Variants in PTPRN2 observed in about 807,000 individuals in gnomAD.
PTPRN2 encodes protein tyrosine phosphatase receptor type N2, also known as receptor-type tyrosine-protein phosphatase N2.
PTPRN2 carries 74 observed loss-of-function variants against 118.8 expected under a neutral mutation model. The observed-to-expected ratio is 0.62, with a 90% CI of 0.52 to 0.76. The LOEUF (loss-of-function observed/expected upper bound fraction) is 0.76. PTPRN2 is among the 30% of genes least tolerant of loss of function. PTPRN2 has a pLI of 0.00. For synonymous variants in PTPRN2, 641 were observed against 608.0 expected (o/e 1.05, Z -0.80); for missense variants, 1,481 against 1,394.4 (o/e 1.06, Z -0.99).
At chr7:157,579,511 G>T (rs781590195) in intron 17 of PTPRN2, among the ~76,000 whole-genome samples, 32 of 152,322 alleles carry the variant, frequency 2.1e-4, no homozygotes, top group Non-Finnish European at 4.4e-4. Flanking sequence ...GAGAAACACA[G>T]ATTTTATGAG....
chr7:157,789,224 T>C (rs1393300210), intron 12 of PTPRN2, among the ~76,000 whole-genome samples: 2 of 152,162 alleles, frequency 1.3e-5, no homozygotes, highest in Non-Finnish European at 2.9e-5. Context: ...GAAGGACACT[T>C]TGAAAGCAAC....
intron 3 of PTPRN2, among the ~76,000 whole-genome samples, chr7:158,231,462 G>C (rs1191527330): frequency 6.6e-6 from 1 of 152,132 alleles, no homozygotes; most frequent in African/African-American, 2.4e-5. Context: ...ATGGAACACT[G>C]AAGTATATAA....
intron 11 of PTPRN2, among the ~76,000 whole-genome samples, chr7:158,074,502 G>A (rs185811435): frequency 1.3e-5 from 2 of 152,194 alleles, no homozygotes; most frequent in East Asian, 1.9e-4. Flanking sequence ...GCATGAAAAG[G>A]TCTTAGTGGC....
At chr7:158,311,552 G>A (rs1801730518) in intron 3 of PTPRN2, among the ~76,000 whole-genome samples, 1 of 152,336 alleles carries the variant, frequency 6.6e-6, no homozygotes, top group African/African-American at 2.4e-5. Context: ...CACAGTGAAC[G>A]TATTTTGTTC....
At chr7:158,487,720 G>A (rs1272468558) in intron 2 of PTPRN2, among the ~76,000 whole-genome samples, 1 of 152,218 alleles carries the variant, frequency 6.6e-6, no homozygotes, top group East Asian at 1.9e-4. Context: ...GCCAGCCTCG[G>A]GCTAAACCAG....
Position 158,509,832 on chromosome 7 carries a change from G to A in PTPRN2, c.113-20047C>T, listed in dbSNP as rs75868563. Among the ~76,000 whole-genome samples the A allele has an allele frequency of 0.016, 2,459 of 152,310 alleles. 76 individuals are homozygous for A. The highest frequency in any genetic ancestry group is 0.056 in the African/African-American group (2,340 of 41,542). ...ACTTGCAGTGCTCTGTTCCATGGCCGAGAGGGCTGTAAGTGATTTGGTGCA... is the reference window on the plus strand; with the variant it reads ...ACTTGCAGTGCTCTGTTCCATGGCCAAGAGGGCTGTAAGTGATTTGGTGCA... On this transcript the variant is annotated intron_variant, in intron 1 of 22. Transcript: ENST00000389418. The surrounding 1 kb of genome is among the most constrained non-coding windows in gnomAD (Gnocchi z 4.4).
rs904983493 is a variant in PTPRN2, at chr7:158,003,596, A to G, written c.1723+77702T>C. ...GGCCCCAGGAACAAGCCCTGCCCAC[A>G]GGCGTCCCAGACCCAGGCCTTGGGG... On this transcript the variant is annotated intron_variant, in intron 11 of 22. Coordinates refer to ENST00000389418, the MANE Select transcript of PTPRN2 (RefSeq NM_002847.5). This position sits in a 1 kb window ranked among gnomAD's most constrained non-coding sequence, Gnocchi z 5.0. Among the ~76,000 whole-genome samples, 2 of 152,068 alleles carry G rather than the reference A, an allele frequency of 1.3e-5. No homozygotes were observed. Among genetic ancestry groups the G allele is most frequent in the Non-Finnish European group, 2.9e-5 (2 of 67,998 alleles).
chr7:158,475,854 G>A (rs1820215890), intron 2 of PTPRN2, among the ~76,000 whole-genome samples: 1 of 152,210 alleles, frequency 6.6e-6, no homozygotes, highest in South Asian at 2.1e-4. Flanking sequence ...AGAAGTTTGG[G>A]AGTCAGATAT....
chr7:158,130,668 C>G (rs535410457), intron 9 of PTPRN2, among the ~76,000 whole-genome samples: 7 of 147,974 alleles, frequency 4.7e-5, no homozygotes, highest in Non-Finnish European at 1.0e-4. Context: ...GACTCATACA[C>G]ACACACGTAC....
At chr7:158,475,900 T>C in intron 2 of PTPRN2, among the ~76,000 whole-genome samples, 1 of 152,124 alleles carries the variant, frequency 6.6e-6, no homozygotes, top group Non-Finnish European at 1.5e-5. Flanking sequence ...AAACCCAGAG[T>C]TCTTTCCTTA....
At chr7:158,584,243 C>T (rs1828799415) in intron 1 of PTPRN2, among the ~76,000 whole-genome samples, 1 of 152,162 alleles carries the variant, frequency 6.6e-6, no homozygotes, top group Admixed American at 6.5e-5. Context: ...AAACTGCCCC[C>T]CTAAACATAG....
intron 12 of PTPRN2, among the ~76,000 whole-genome samples, chr7:157,853,822 G>T (rs1809474778): frequency 6.6e-6 from 1 of 152,164 alleles, no homozygotes; most frequent in Non-Finnish European, 1.5e-5. Context: ...CCTTATCGGG[G>T]AATAGGGTCT....
At chr7:158,171,617 C>A (rs965423328) in intron 5 of PTPRN2, among the ~76,000 whole-genome samples, 5 of 152,054 alleles carry the variant, frequency 3.3e-5, no homozygotes, top group African/African-American at 7.2e-5. Flanking sequence ...TCCCAAAGTG[C>A]TGGGATTACA....
chr7:158,277,349 C>T (rs565079023), intron 3 of PTPRN2, among the ~76,000 whole-genome samples: 9 of 152,326 alleles, frequency 5.9e-5, no homozygotes, highest in South Asian at 2.1e-4. Context: ...AGCCACTCCA[C>T]GGGCACCAAT....
At chr7:158,062,166 C>T (rs1047392743) in intron 11 of PTPRN2, among the ~76,000 whole-genome samples, 3 of 152,242 alleles carry the variant, frequency 2.0e-5, no homozygotes, top group Non-Finnish European at 2.9e-5. Flanking sequence ...GAGGTGGCTT[C>T]GCATCAGCTC....
intron 2 of PTPRN2, among the ~76,000 whole-genome samples, chr7:158,441,119 G>A (rs1817075415): frequency 6.7e-6 from 1 of 149,758 alleles, no homozygotes; most frequent in African/African-American, 2.5e-5. Context: ...TGGTGATGGT[G>A]ATAGTGGTGA....
chr7:158,195,071 T>C (rs1429079579), intron 4 of PTPRN2, among the ~76,000 whole-genome samples: 1 of 152,234 alleles, frequency 6.6e-6, no homozygotes, highest in African/African-American at 2.4e-5. Context: ...TTGGTTTCCA[T>C]CTGGCACCTT....
chr7:158,351,174 G>A lies in PTPRN2; in HGVS notation c.164-34242C>T, dbSNP rs537805416. On this transcript the variant is annotated intron_variant, in intron 2 of 22. Transcript: ENST00000389418. The stretch of plus-strand genomic sequence containing the variant: ...GCATCTCTCGCCACCTCGAGGGCAC[G>A]GGTGAGGTGCAGGAGGAACTCGTGC... Among the ~76,000 whole-genome samples the A allele has an allele frequency of 5.3e-5, 8 of 152,320 alleles. No homozygotes were observed. The East Asian group carries it at 7.7e-4, about 15-fold the overall frequency.
intron 6 of PTPRN2, among the ~76,000 whole-genome samples, chr7:158,163,962 G>A (rs145771560): frequency 1.1e-4 from 16 of 152,306 alleles, no homozygotes; most frequent in South Asian, 8.3e-4. Context: ...CCTATTTGCC[G>A]TTTTACATGA....
Sources: allele counts gnomAD v4.1 joint callset (sites outside exome capture counted in the v4.1 genomes callset), GRCh38; gene constraint gnomAD v4.1.1; non-coding constraint Gnocchi (gnomAD v3.1); transcripts MANE v1.5; gene names NCBI Gene and HGNC (gene_info 2026-07-23, HGNC 2026-07-21).